DACH1: variants seen among roughly 807,000 people sequenced by gnomAD.
DACH1 encodes the protein dachshund family transcription factor 1, also known as dachshund homolog 1.
Under a neutral mutation model 54.2 loss-of-function variants are expected in DACH1, and 12 were observed. The observed-to-expected ratio is 0.22, with a 90% CI of 0.14 to 0.36. The LOEUF is 0.36. Ranked by LOEUF, DACH1 falls within the 10% of genes least tolerant of loss-of-function variation. DACH1 has a pLI of 1.00. For synonymous variants in DACH1, 386 were observed against 366.2 expected, an observed-to-expected ratio of 1.05 and a Z score of -0.62; for missense variants, 805 against 929.8, an observed-to-expected ratio of 0.87 and a Z score of 1.75.
At chr13:71,496,304 TATAC>T (rs1171738481) in intron 6 of DACH1, among the ~76,000 whole-genome samples, 3 of 105,712 alleles carry the variant, frequency 2.8e-5, no homozygotes, top group African/African-American at 1.1e-4. Flanking sequence ...TATATATATA[TATAC>T]ACACACAAAA....
intron 6 of DACH1, among the ~76,000 whole-genome samples, chr13:71,527,510 G>A (rs1882072633): frequency 6.6e-6 from 1 of 152,166 alleles, no homozygotes; most frequent in South Asian, 2.1e-4. Context: ...TAAATCAAAT[G>A]TGAAATAGCA....
At position 71,620,555 on chromosome 13, in the gene DACH1, G is replaced by A. The variant is rs376547428; in HGVS notation, c.1126+10001C>T. On this transcript the variant is annotated intron_variant, in intron 3 of 10. Transcript: ENST00000613252. ...TTTCAAGTAGGCTTGTCACTCAGAT[G>A]GCATACTGCCTGAGTATAAATTATT... 5.9e-5 allele frequency among the ~76,000 whole-genome samples: 9 copies of A among 151,868 alleles called. No individual in the cohort carries two copies. The South Asian group carries it at 1.5e-3, about 25-fold the overall frequency.
intron 6 of DACH1, among the ~76,000 whole-genome samples, chr13:71,508,268 T>C (rs1300340471): frequency 6.6e-6 from 1 of 152,166 alleles, no homozygotes; most frequent in Non-Finnish European, 1.5e-5. Flanking sequence ...TCACGTGGCC[T>C]GAATTCATTG....
At position 71,809,405 on chromosome 13, in the gene DACH1, A is replaced by G. The variant is rs370706308; in HGVS notation, c.848+56517T>C. On this transcript the variant is annotated intron_variant, in intron 1 of 10. Transcript: ENST00000613252. ...AGGCTTGTCTCGAACACCTGGGCTC[A>G]AGTGATCCTCCCACTTCGGCCTCCC... Among the ~76,000 whole-genome samples, 9 of 152,212 alleles carry G rather than the reference A, an allele frequency of 5.9e-5. No individual in the cohort carries two copies. In the East Asian group the frequency reaches 7.7e-4, roughly 13 times the overall value.
At chr13:71,545,083 A>G (rs1883370889) in intron 6 of DACH1, among the ~76,000 whole-genome samples, 1 of 152,086 alleles carries the variant, frequency 6.6e-6, no homozygotes, top group South Asian at 2.1e-4. Context: ...ATACAGATGG[A>G]ACAGTTTTGC....
chr13:71,776,592 C>T lies in DACH1; in HGVS notation c.848+89330G>A, dbSNP rs1302696112. On this transcript the variant is annotated intron_variant, in intron 1 of 10. Coordinates refer to ENST00000613252, the MANE Select transcript of DACH1 (RefSeq NM_080759.6). ...AAAGGAGAAATAACAGTCTTAATTC[C>T]TAAGAGTCCCTGGATCATTTGCTTT... 2.0e-5 allele frequency among the ~76,000 whole-genome samples: 3 copies of T among 151,962 alleles called. No individual in the cohort carries two copies. In the East Asian group the frequency reaches 5.8e-4, roughly 29 times the overall value.
chr13:71,659,678 C>T (rs189270324), intron 2 of DACH1, among the ~76,000 whole-genome samples: 39 of 152,266 alleles, frequency 2.6e-4, no homozygotes, highest in Non-Finnish European at 5.0e-4. Context: ...TCCTTTTAGG[C>T]TCCTCTGTTG....
chr13:71,475,695 C>T lies in DACH1; in HGVS notation c.2014+11G>A. ...TGACAGTTATTCATGCAATAATATA[C>T]ACCCTCTTACCATTTAAGACCCTGA... On this transcript the variant is annotated intron_variant, in intron 9 of 10. Coordinates refer to ENST00000613252, the MANE Select transcript of DACH1 (RefSeq NM_080759.6). 1 of 1,601,798 alleles carries T rather than the reference C, an allele frequency of 6.2e-7. No homozygotes were observed. Among genetic ancestry groups the T allele is most frequent in the Non-Finnish European group, 8.5e-7 (1 of 1,176,472 alleles).
At chr13:71,783,275 C>T (rs185030850) in intron 1 of DACH1, among the ~76,000 whole-genome samples, 11 of 152,148 alleles carry the variant, frequency 7.2e-5, no homozygotes, top group Admixed American at 1.3e-4. Flanking sequence ...GAACAAAATA[C>T]GGTGAAAACT....
intron 1 of DACH1, among the ~76,000 whole-genome samples, chr13:71,843,560 C>A (rs998897807): frequency 1.3e-5 from 2 of 152,154 alleles, no homozygotes; most frequent in Admixed American, 6.5e-5. Context: ...CCACTGTGCC[C>A]AATCATGAAT....
At chr13:71,849,501 T>C (rs934766769) in intron 1 of DACH1, among the ~76,000 whole-genome samples, 2 of 152,212 alleles carry the variant, frequency 1.3e-5, no homozygotes, top group Non-Finnish European at 2.9e-5. Flanking sequence ...AGGCAGTCAA[T>C]GTGATTTATT....
chr13:71,521,977 T>C (rs770071351), intron 6 of DACH1, among the ~76,000 whole-genome samples: 20 of 152,170 alleles, frequency 1.3e-4, no homozygotes, highest in Non-Finnish European at 2.9e-4. Context: ...GAACTATTTA[T>C]AGCACAATGG....
chr13:71,525,551 T>G (rs1881897535), intron 6 of DACH1, among the ~76,000 whole-genome samples: 1 of 152,148 alleles, frequency 6.6e-6, no homozygotes, highest in African/African-American at 2.4e-5. Flanking sequence ...CTTGGAAATA[T>G]TCCCATAATC....
intron 6 of DACH1, among the ~76,000 whole-genome samples, chr13:71,498,606 A>G (rs1879640351): frequency 6.6e-6 from 1 of 151,816 alleles, no homozygotes; most frequent in African/African-American, 2.4e-5. Flanking sequence ...GTGCTTATTT[A>G]GAAAAAAGAA....
intron 3 of DACH1, among the ~76,000 whole-genome samples, chr13:71,592,318 G>C (rs1361816983): frequency 6.6e-6 from 1 of 151,378 alleles, no homozygotes; most frequent in African/African-American, 2.4e-5. Context: ...TCAAGACCAG[G>C]CTGGGCAACA....
At chr13:71,785,559 G>A (rs931186959) in intron 1 of DACH1, among the ~76,000 whole-genome samples, 6 of 152,114 alleles carry the variant, frequency 3.9e-5, no homozygotes, top group South Asian at 2.1e-4. Flanking sequence ...TCCTAAAGCC[G>A]TGTGTACTCT....
intron 1 of DACH1, among the ~76,000 whole-genome samples, chr13:71,721,323 A>G (rs1364510210): frequency 6.6e-6 from 1 of 152,156 alleles, no homozygotes; most frequent in Non-Finnish European, 1.5e-5. Flanking sequence ...TGACAGAGCT[A>G]AATTACACAA....
intron 2 of DACH1, among the ~76,000 whole-genome samples, chr13:71,655,519 C>T (rs564357805): frequency 6.6e-5 from 10 of 151,414 alleles, no homozygotes; most frequent in African/African-American, 1.7e-4. Flanking sequence ...TACAGGTGCC[C>T]GCCACCATGC....
intron 3 of DACH1, among the ~76,000 whole-genome samples, chr13:71,609,752 C>T (rs1875169214): frequency 6.6e-6 from 1 of 152,098 alleles, no homozygotes. Context: ...GTCTCGAACT[C>T]CAGACCTCAG....
Sources: allele counts gnomAD v4.1 joint callset (sites outside exome capture counted in the v4.1 genomes callset), GRCh38; gene constraint gnomAD v4.1.1; transcripts MANE v1.5; gene names NCBI Gene and HGNC (gene_info 2026-07-23, HGNC 2026-07-21).